The following SLC44A2 variants were observed in gnomAD, a reference collection of about 807,000 sequenced individuals.
The protein encoded by SLC44A2 is choline transporter-like protein 2.
SLC44A2 carries 57 observed loss-of-function variants against 90.8 expected under a neutral mutation model. The ratio of observed to expected loss-of-function variants is 0.63; its 90% CI spans 0.51 to 0.78. SLC44A2 has a LOEUF of 0.78. Ranked by LOEUF, SLC44A2 falls within the 30% of genes least tolerant of loss-of-function variation. SLC44A2 has a pLI of 0.00. For missense variants in SLC44A2, 794 were observed against 919.7 expected (o/e 0.86, Z 1.77); for synonymous variants, 355 against 360.7 (o/e 0.98, Z 0.18).
At chr19:10,633,704 G>A (rs1272742028) in intron 10 of SLC44A2, among the ~76,000 whole-genome samples, 2 of 152,168 alleles carry the variant, frequency 1.3e-5, no homozygotes, top group South Asian at 2.1e-4. Context: ...CAGTCCTCCC[G>A]CCTTGGCCTC....
In SLC44A2 at chr19:10,631,084, C is replaced by T; in HGVS notation, c.273C>T (p.Asn91=). 1 of 1,613,800 alleles carries T rather than the reference C, an allele frequency of 6.2e-7. No homozygotes were observed. Among genetic ancestry groups the T allele is most frequent in the Non-Finnish European group, 8.5e-7 (1 of 1,179,874 alleles). ...NENKPYLFYF[N]IVKCASPLVL... ...ACAAACCCTATCTGTTTTATTTCAA[C>T]ATTGTGAAATGTGCCAGCCCCCTGG... Residue 91 remains asparagine (N), a synonymous_variant, in exon 5 of 22, where the codon AAC becomes AAT. Coordinates refer to ENST00000335757, the MANE Select transcript of SLC44A2 (RefSeq NM_020428.4).
At chr19:10,610,701 G>T (rs1037878901) in intron 1 of SLC44A2, among the ~76,000 whole-genome samples, 8 of 129,348 alleles carry the variant, frequency 6.2e-5, no homozygotes, top group African/African-American at 2.4e-4. Flanking sequence ...GTGCAATGGC[G>T]TGATCTTGGC....
chr19:10,625,711 C>A, intron 1 of SLC44A2, 41 bp downstream of exon 1: 1 of 1,240,356 alleles, frequency 8.1e-7, no homozygotes, highest in Non-Finnish European at 1.0e-6. Context: ...GCCGACCCCT[C>A]GGTCCCTCGG....
At chr19:10,626,431 T>G in intron 2 of SLC44A2, 130 bp downstream of exon 2, 1 of 722,858 alleles carries the variant, frequency 1.4e-6, no homozygotes, top group Non-Finnish European at 2.4e-6. Context: ...TTTTTTGAGA[T>G]GGAGTCTTGC....
Position 10,633,567 on chromosome 19 carries a change from C to T in SLC44A2, c.824-1189C>T, listed in dbSNP as rs117717044. 3.4e-3 allele frequency among the ~76,000 whole-genome samples: 513 copies of T among 152,154 alleles called. 3 individuals carry two copies. Among genetic ancestry groups the T allele is most frequent in the Non-Finnish European group, 4.4e-3 (301 of 67,970 alleles). ...ACCTCCTGGGCTCAAGTGATCCTCCCGTCTTGGCCTCCCAAGTAGCTGAAA... is the reference window on the plus strand; with the variant it reads ...ACCTCCTGGGCTCAAGTGATCCTCCTGTCTTGGCCTCCCAAGTAGCTGAAA... On this transcript the variant is annotated intron_variant, in intron 10 of 21. Coordinates refer to ENST00000335757, the MANE Select transcript of SLC44A2 (RefSeq NM_020428.4).
At chr19:10,618,221 C>A (rs1057004750) in intron 1 of SLC44A2, among the ~76,000 whole-genome samples, 4 of 137,306 alleles carry the variant, frequency 2.9e-5, no homozygotes, top group Non-Finnish European at 6.1e-5. Flanking sequence ...GTTGCCCAGG[C>A]TGGAGTGCAG....
intron 20 of SLC44A2, among the ~76,000 whole-genome samples, chr19:10,639,545 G>A (rs2067094244): frequency 6.6e-6 from 1 of 152,040 alleles, no homozygotes; most frequent in South Asian, 2.1e-4. Flanking sequence ...AGGTGGGAGT[G>A]TGCCAGGAAG....
chr19:10,637,081 C>T (rs1421444895), intron 16 of SLC44A2: 6 of 260,794 alleles, frequency 2.3e-5, no homozygotes, highest in African/African-American at 1.3e-4. Context: ...ATTAGCCGGG[C>T]GCCGTGACTC....
In SLC44A2 at chr19:10,634,966, C is replaced by CT. The variant is rs1568452926; in HGVS notation, c.956-5dup. On this transcript the variant is annotated splice_region_variant and splice_polypyrimidine_tract_variant and intron_variant, in intron 11 of 21. Transcript: ENST00000335757. ...GAGCCCAGCCGGCTCAGCCTTTGCC[C>CT]TTTGCAGTGATCATTCTGAGTATCC... The CT allele has an allele frequency of 6.2e-7, 1 of 1,614,184 alleles. No homozygotes were observed. Among genetic ancestry groups the CT allele is most frequent in the Admixed American group, 1.7e-5 (1 of 60,014 alleles).
intron 20 of SLC44A2, among the ~76,000 whole-genome samples, chr19:10,640,084 C>CTTTTTTTTT (rs751829090): frequency 1.1e-5 from 1 of 89,242 alleles, no homozygotes; most frequent in African/African-American, 5.3e-5. Flanking sequence ...GGTCCACTGA[C>CTTTTTTTTT]TTTTTTTTTT....
chr19:10,642,943 C>T (rs2067133934), intron 21 of SLC44A2: 4 of 1,594,876 alleles, frequency 2.5e-6, no homozygotes, highest in Non-Finnish European at 3.4e-6. Context: ...GACCCTACTT[C>T]ATGTCGCCCG....
chr19:10,603,041 G>A (rs1428439373), intron 1 of SLC44A2, among the ~76,000 whole-genome samples: 2 of 152,212 alleles, frequency 1.3e-5, no homozygotes, highest in Admixed American at 1.3e-4. Context: ...CCAGCTGAGA[G>A]CCCACCGAGT....
chr19:10,634,056 C>T (rs1161584495), intron 10 of SLC44A2, among the ~76,000 whole-genome samples: 5 of 147,622 alleles, frequency 3.4e-5, no homozygotes, highest in Non-Finnish European at 5.9e-5. Context: ...CTGCAACCTC[C>T]GCCTCCCGGG....
chr19:10,632,041 C>T lies in SLC44A2; in HGVS notation c.711-3C>T. The stretch of plus-strand genomic sequence containing the variant: ...CTGTTCATGACCGTTTTCTTTTCCC[C>T]AGAGGCCTGGTCATTGCCATGGCGA... On this transcript the variant is annotated splice_region_variant and splice_polypyrimidine_tract_variant and intron_variant, in intron 9 of 21. Coordinates refer to ENST00000335757, the MANE Select transcript of SLC44A2 (RefSeq NM_020428.4). 1.2e-6 allele frequency: 2 copies of T among 1,614,134 alleles called. No homozygotes were observed. The highest frequency in any genetic ancestry group is 1.1e-5 in the South Asian group (1 of 91,084).
rs184944849 is a variant in SLC44A2 at position 10,637,439 on chromosome 19, T to C, written c.1592-205T>C. On this transcript the variant is annotated intron_variant, in intron 16 of 21. Transcript: ENST00000335757. ...GGTACTTTGTTTTAGAGACAGGATCTCTCACCCTGTCACCCAGGCTGGAGT... is the reference window on the plus strand; with the variant it reads ...GGTACTTTGTTTTAGAGACAGGATCCCTCACCCTGTCACCCAGGCTGGAGT... The C allele has an allele frequency of 9.5e-4, 550 of 581,270 alleles. 4 individuals carry two copies. The highest frequency in any genetic ancestry group is 9.4e-3 in the African/African-American group (503 of 53,556). The allele number at this position is 581,270 out of a possible 1,614,324, so 36.0% of individuals were successfully genotyped here.
chr19:10,642,158 A>G (rs2067123132), intron 20 of SLC44A2, among the ~76,000 whole-genome samples: 3 of 146,834 alleles, frequency 2.0e-5, no homozygotes, highest in African/African-American at 5.1e-5. Context: ...TTCCGTCTCA[A>G]AAAAAAAAAA....
At chr19:10,622,915 C>T (rs1415795392), upstream of SLC44A2, among the ~76,000 whole-genome samples, 1 of 151,978 alleles carries the variant, frequency 6.6e-6, no homozygotes, top group Non-Finnish European at 1.5e-5. Flanking sequence ...AACAAAAAAG[C>T]TTAGATGCCG....
At chr19:10,637,962 C>T in intron 18 of SLC44A2, 33 bp downstream of exon 18, 1 of 1,613,910 alleles carries the variant, frequency 6.2e-7, no homozygotes. Flanking sequence ...CTCCTGCCAC[C>T]CGCCTCTTCC....
intron 18 of SLC44A2, 35 bp downstream of exon 18, chr19:10,637,964 G>A (rs781727684): frequency 4.9e-5 from 79 of 1,613,610 alleles, no homozygotes; most frequent in African/African-American, 6.7e-5. Flanking sequence ...CCTGCCACCC[G>A]CCTCTTCCCC....
Sources: allele counts gnomAD v4.1 joint callset (sites outside exome capture counted in the v4.1 genomes callset), GRCh38; gene constraint gnomAD v4.1.1; transcripts MANE v1.5; gene names NCBI Gene and HGNC (gene_info 2026-07-23, HGNC 2026-07-21).